ITGAM: variants seen among roughly 807,000 people sequenced by gnomAD.
ITGAM encodes integrin subunit alpha M.
In ITGAM, 79 loss-of-function variants were observed where a neutral mutation model predicts 137.5. The ratio of observed to expected loss-of-function variants is 0.57; its 90% CI spans 0.48 to 0.69. The LOEUF is 0.69. ITGAM is among the 30% of genes least tolerant of loss of function. The pLI, the probability that ITGAM is intolerant of heterozygous loss-of-function variation, is 0.00. For synonymous variants in ITGAM, 583 were observed against 592.3 expected, an observed-to-expected ratio of 0.98 and a Z score of 0.23; for missense variants, 1,343 against 1,483.5, an observed-to-expected ratio of 0.91 and a Z score of 1.56.
Position 31,324,835 on chromosome 16 carries a change from G to A in ITGAM, c.2289+53G>A, listed in dbSNP as rs2080490021. On this transcript the variant is annotated intron_variant, in intron 18 of 29. Transcript: ENST00000544665. The surrounding 1 kb of genome is among the most constrained non-coding windows in gnomAD (Gnocchi z 4.5). ...GGTGTGGAAGAGACCAGAGACCAAG[G>A]TGGTTGAAACTCATTTTATTTGATT... 7 of 1,555,734 alleles carry A rather than the reference G, an allele frequency of 4.5e-6. No homozygotes were observed.
intron 1 of ITGAM, 103 bp downstream of exon 1, chr16:31,260,195 G>T (rs2079683596): frequency 6.2e-6 from 5 of 806,982 alleles, no homozygotes; most frequent in African/African-American, 1.7e-5. Context: ...TCTGGGGAGA[G>T]GCAAAGGGGA....
At position 31,322,961 on chromosome 16, in the gene ITGAM, A is replaced by G. The variant is rs549168779; in HGVS notation, c.2002+1334A>G. ...AGAAAGAAAAATACAGAAAAACACCATAAGAGATGTGTGGGATATGGTGAA... is the reference window on the plus strand; with the variant it reads ...AGAAAGAAAAATACAGAAAAACACCGTAAGAGATGTGTGGGATATGGTGAA... On this transcript the variant is annotated intron_variant, in intron 16 of 29. Coordinates refer to ENST00000544665, the MANE Select transcript of ITGAM (RefSeq NM_000632.4). Among the ~76,000 whole-genome samples the G allele has an allele frequency of 5.3e-5, 8 of 152,294 alleles. 1 individual carries two copies. Among genetic ancestry groups the G allele is most frequent in the Admixed American group, 5.2e-4 (8 of 15,294 alleles).
At chr16:31,267,411 C>T (rs535972668) in intron 5 of ITGAM, among the ~76,000 whole-genome samples, 9 of 152,042 alleles carry the variant, frequency 5.9e-5, no homozygotes, top group Non-Finnish European at 8.8e-5. Context: ...CCACTTTCCC[C>T]TTCTCTTATT....
At position 31,324,752 on chromosome 16, in the gene ITGAM, G is replaced by A. The variant is rs367980691; in HGVS notation, c.2259G>A (p.Ala753=). 14 of 1,580,384 alleles carry A rather than the reference G, an allele frequency of 8.9e-6. No individual in the cohort carries two copies. The highest frequency in any genetic ancestry group is 8.3e-5 in the South Asian group (7 of 84,772). ...SAFGNLRPVL[A]EDAQRLFTAL... ...TCGGGAACCTCCGGCCAGTGCTGGCGGAGGATGCTCAGAGACTCTTCACAG... is the reference window on the plus strand; with the variant it reads ...TCGGGAACCTCCGGCCAGTGCTGGCAGAGGATGCTCAGAGACTCTTCACAG... The change falls in exon 18 of 30, where the codon GCG becomes GCA. Residue 753 remains alanine, a synonymous_variant. Transcript: ENST00000544665. The surrounding 1 kb of genome is among the most constrained non-coding windows in gnomAD (Gnocchi z 4.5).
At chr16:31,322,238 C>G (rs1167833481) in intron 16 of ITGAM, among the ~76,000 whole-genome samples, 1 of 152,100 alleles carries the variant, frequency 6.6e-6, no homozygotes, top group East Asian at 1.9e-4. Context: ...GGGAGGATCA[C>G]TTGAGCCCAG....
At chr16:31,287,541 T>G (rs574335507) in intron 12 of ITGAM, among the ~76,000 whole-genome samples, 1 of 152,342 alleles carries the variant, frequency 6.6e-6, no homozygotes, top group South Asian at 2.1e-4. Context: ...CTCTGATTTC[T>G]TTCAACAGTG....
chr16:31,305,597 C>G (rs1362440331), intron 14 of ITGAM, among the ~76,000 whole-genome samples: 1 of 152,082 alleles, frequency 6.6e-6, no homozygotes, highest in Non-Finnish European at 1.5e-5. Context: ...GTGCTTTTGT[C>G]AGATAATGGC....
intron 14 of ITGAM, among the ~76,000 whole-genome samples, chr16:31,311,845 T>C (rs1414458226): frequency 6.6e-6 from 1 of 151,982 alleles, no homozygotes; most frequent in African/African-American, 2.4e-5. Flanking sequence ...CAAGTGTTTA[T>C]TGCGGCACTA....
At chr16:31,264,369 C>A (rs532220376) in intron 2 of ITGAM, among the ~76,000 whole-genome samples, 11 of 152,076 alleles carry the variant, frequency 7.2e-5, no homozygotes, top group African/African-American at 2.7e-4. Context: ...AATGCTTGAA[C>A]CTGGGAGGCA....
intron 12 of ITGAM, among the ~76,000 whole-genome samples, chr16:31,285,573 G>T (rs1046708289): frequency 1.8e-4 from 27 of 152,276 alleles, no homozygotes; most frequent in Middle Eastern, 6.8e-3. Context: ...GGAGGCAGAG[G>T]TTGCAGTGAG....
intron 5 of ITGAM, among the ~76,000 whole-genome samples, chr16:31,270,688 C>CCT (rs1567248698): frequency 6.5e-5 from 2 of 30,538 alleles, no homozygotes; most frequent in East Asian, 3.8e-3. Flanking sequence ...TAATTTTTAA[C>CCT]GTGTGTGTGT....
At chr16:31,331,330 C>T (rs1240647076) in intron 29 of ITGAM, 55 bp downstream of exon 29, 1 of 1,011,686 alleles carries the variant, frequency 9.9e-7, no homozygotes, top group Non-Finnish European at 1.6e-6. Context: ...CCTCGCGCTG[C>T]AGCTCCGTGC....
chr16:31,262,206 G>C (rs1227355585), intron 2 of ITGAM, among the ~76,000 whole-genome samples: 1 of 152,070 alleles, frequency 6.6e-6, no homozygotes, highest in African/African-American at 2.4e-5. Flanking sequence ...CCGTCCACTT[G>C]TCTCTTACTG....
intron 12 of ITGAM, among the ~76,000 whole-genome samples, chr16:31,282,125 T>A (rs1301874885): frequency 6.6e-6 from 1 of 152,078 alleles, no homozygotes; most frequent in Non-Finnish European, 1.5e-5. Context: ...TGCTGAGGAG[T>A]GCTTTACTTC....
intron 1 of ITGAM, among the ~76,000 whole-genome samples, chr16:31,261,374 G>T (rs1442708385): frequency 1.3e-5 from 2 of 151,686 alleles, no homozygotes; most frequent in East Asian, 3.9e-4. Flanking sequence ...TAGAGATGGG[G>T]TCTCACTGTG....
chr16:31,325,076 C>T (rs1162359428), intron 19 of ITGAM, 45 bp downstream of exon 19: 1 of 1,522,964 alleles, frequency 6.6e-7, no homozygotes, highest in South Asian at 1.2e-5. Context: ...AGGACCCGTA[C>T]CATGACCCGC....
chr16:31,328,374 T>C, intron 23 of ITGAM, 144 bp downstream of exon 23: 1 of 684,020 alleles, frequency 1.5e-6, no homozygotes, highest in Admixed American at 2.2e-5. Flanking sequence ...GGGTGTGTAT[T>C]TGGGCATGGG....
chr16:31,330,333 G>T lies in ITGAM; in HGVS notation c.3086G>T (p.Arg1029Ile), dbSNP rs750934080. The T allele has an allele frequency of 8.7e-6, 14 of 1,613,986 alleles. No individual in the cohort carries two copies. The East Asian group carries it at 3.1e-4, about 36-fold the overall frequency. The change falls in exon 27 of 30, where the codon AGA (arginine) becomes ATA (isoleucine). Residue 1029 changes from arginine (R) to isoleucine (I), a missense_variant. Arg to Ile is a moderately conservative substitution (Grantham distance 97, BLOSUM62 -3). Coordinates refer to ENST00000544665, the MANE Select transcript of ITGAM (RefSeq NM_000632.4). The stretch of plus-strand genomic sequence containing the variant: ...AACTGCTCCATCGCTGTCTGCCAGA[G>T]AATCCAGTGTGACATCCCGTTCTTT... ...VVNCSIAVCQ[R>I]IQCDIPFFGI...
chr16:31,330,121 C>T lies in ITGAM; in HGVS notation c.3017C>T (p.Ser1006Phe). 6.2e-7 allele frequency: 1 copy of T among 1,613,852 alleles called. No homozygotes were observed. Among genetic ancestry groups the T allele is most frequent in the Middle Eastern group, 1.6e-4 (1 of 6,062 alleles). ...TGCCACACCAAGGAGCGCTTGCCCT[C>T]TCACTCCGACTTTCTGGCTGAGCTT... ...STCHTKERLP[S>F]HSDFLAELRK... The change falls in exon 26 of 30, where the codon TCT becomes TTT. Residue 1006 changes from serine to phenylalanine, a missense_variant. By Grantham distance (155) the Ser-to-Phe change is radical. Transcript: ENST00000544665.
Sources: gnomAD v4.1 joint callset for allele counts (sites outside exome capture counted in the v4.1 genomes callset) on GRCh38, gnomAD v4.1.1 for gene constraint, Gnocchi (gnomAD v3.1) non-coding constraint, MANE v1.5 for transcripts, NCBI Gene and HGNC (gene_info 2026-07-23, HGNC 2026-07-21) for gene names.